CBARP: variants seen among roughly 807,000 people sequenced by gnomAD.
The protein encoded by CBARP is CACN subunit beta associated regulatory protein, also known as voltage-dependent calcium channel beta subunit-associated regulatory protein.
CBARP carries 24 observed loss-of-function variants against 36.3 expected under a neutral mutation model. That is an observed-to-expected ratio of 0.66 (90% CI 0.48 to 0.93). The LOEUF is 0.93. Among genes scored for constraint, CBARP ranks in the 40% least tolerant of loss-of-function variants. The probability of loss-of-function intolerance (pLI) is 0.00; values close to 1 mark genes in which losing one functional copy is unlikely to be tolerated. For missense variants in CBARP, 1,146 were observed against 980.4 expected (o/e 1.17, Z -2.26); for synonymous variants, 586 against 453.2 (o/e 1.29, Z -3.72).
intron 5 of CBARP, 103 bp downstream of exon 5, chr19:1,234,898 C>T: frequency 2.0e-6 from 3 of 1,508,406 alleles, no homozygotes; most frequent in Non-Finnish European, 2.7e-6. Flanking sequence ...GTCCAGGAGC[C>T]TCTGCCTTGG....
At position 1,235,782 on chromosome 19, in the gene CBARP, T is replaced by C. The variant is rs1237814483; in HGVS notation, c.242A>G (p.Asn81Ser). The C allele has an allele frequency of 1.2e-6, 2 of 1,607,410 alleles. No homozygotes were observed. The highest frequency in any genetic ancestry group is 2.2e-5 in the East Asian group (1 of 44,876). The change falls in exon 3 of 10, where the codon AAC (asparagine) becomes AGC (serine). Residue 81 changes from asparagine to serine, a missense_variant. Physicochemically the swap from Asn to Ser is conservative, Grantham distance 46. Transcript: ENST00000650044. ...AGCCGAGGTGGGGGCCTCGCACCTGTTGAGGCGCTGGTGGACGTCCCAGCA... is the reference window on the plus strand; with the variant it reads ...AGCCGAGGTGGGGGCCTCGCACCTGCTGAGGCGCTGGTGGACGTCCCAGCA... ...KRCWDVHQRL[N>S]RAMEEAEKTT...
intron 9 of CBARP, chr19:1,230,542 C>T (rs1046904163): frequency 9.4e-7 from 1 of 1,059,842 alleles, no homozygotes; most frequent in Non-Finnish European, 1.1e-6. Context: ...TCTGCCCACC[C>T]ATGCTGGATA....
chr19:1,237,212 G>GCAGGGTCCCGGCGGGGGCTGGTGTCCT (rs2080987440), intron 1 of CBARP, among the ~76,000 whole-genome samples: 1 of 152,248 alleles, frequency 6.6e-6, no homozygotes, highest in Non-Finnish European at 1.5e-5. Context: ...CCAAAGCCGG[G>GCAGGGTCCCGGCGGGGGCTGGTGTCCT]CAGGGTCCCG....
Position 1,229,834 on chromosome 19 carries a change from G to A in CBARP, c.1463C>T (p.Pro488Leu), listed in dbSNP as rs1181365255. 6.1e-6 allele frequency: 6 copies of A among 984,142 alleles called. No individual in the cohort carries two copies. Among genetic ancestry groups the A allele is most frequent in the Non-Finnish European group, 6.0e-6 (5 of 830,568 alleles). 61.0% of individuals were successfully genotyped at this position (984,142 alleles called of 1,614,324 possible). The change falls in exon 10 of 10, where the codon CCG becomes CTG. Residue 488 changes from proline to leucine, a missense_variant. Physicochemically the swap from Pro to Leu is moderately conservative, Grantham distance 98 (BLOSUM62 -3). Transcript: ENST00000650044. This position sits in a 1 kb window ranked among gnomAD's most constrained non-coding sequence, Gnocchi z 5.1. The part of the protein sequence containing the change: ...PAFPPPSPPA[P>L]RPKDGEARRL... ...GCGCGCCTCGCCGTCCTTGGGCCGCGGCGCGGGCGGGGAGGGCGGCGGGAA... is the reference window on the plus strand; with the variant it reads ...GCGCGCCTCGCCGTCCTTGGGCCGCAGCGCGGGCGGGGAGGGCGGCGGGAA...
chr19:1,230,469 AGC>A (rs2080875529), intron 9 of CBARP: 1 of 997,766 alleles, frequency 1.0e-6, no homozygotes. Context: ...TGGACGTGGG[AGC>A]CGCAGGGGAT....
intron 6 of CBARP, 35 bp from the exon 7 acceptor site, chr19:1,234,366 G>A (rs2080934457): frequency 8.3e-6 from 12 of 1,438,182 alleles, no homozygotes; most frequent in Non-Finnish European, 1.1e-5. Context: ...AGGAAGCAGT[G>A]ACAGGTCAAA....
In CBARP at chr19:1,234,736, T is replaced by C. The variant is rs1479180717; in HGVS notation, c.462A>G (p.Thr154=). ...RKTQDKGRRY[T]LTEGDFHHLK... ...GGTGGTGGAAGTCCCCCTCCGTCAG[T>C]GTGTACCTGCGACAGCATCTGGCCA... The change falls in exon 6 of 10, where the codon ACA becomes ACG. Residue 154 remains threonine (T), a synonymous_variant. Coordinates refer to ENST00000650044, the MANE Select transcript of CBARP (RefSeq NM_001393918.1). 5 of 1,612,380 alleles carry C rather than the reference T, an allele frequency of 3.1e-6. No individual in the cohort carries two copies. Among genetic ancestry groups the C allele is most frequent in the African/African-American group, 2.7e-5 (2 of 74,894 alleles).
At position 1,235,959 on chromosome 19, in the gene CBARP, C is replaced by T. The variant is rs199769460; in HGVS notation, c.105+37G>A. On this transcript the variant is annotated intron_variant, in intron 2 of 9. Transcript: ENST00000650044. ...GGGGGTCAGGTGCTGCTGGCCTGGACGACCTCCTGCCCCTCCCACCTGTCC... is the reference window on the plus strand; with the variant it reads ...GGGGGTCAGGTGCTGCTGGCCTGGATGACCTCCTGCCCCTCCCACCTGTCC... 2.1e-4 allele frequency: 334 copies of T among 1,588,188 alleles called. 1 individual carries two copies. The highest frequency in any genetic ancestry group is 1.2e-4 in the South Asian group (11 of 88,382).
At position 1,230,317 on chromosome 19, in the gene CBARP, C is replaced by T. The variant is rs1046979350; in HGVS notation, c.1155-175G>A. The stretch of plus-strand genomic sequence containing the variant: ...TGTGTTTTGCAGGGGATGCGTCTTG[C>T]ATTGACCCTGAGCTGTGGCGCCTGC... On this transcript the variant is annotated intron_variant, in intron 9 of 9. Transcript: ENST00000650044. 7 of 988,620 alleles carry T rather than the reference C, an allele frequency of 7.1e-6. No homozygotes were observed. The East Asian group carries it at 7.9e-4, about 112-fold the overall frequency. The allele number at this position is 988,620 out of a possible 1,614,324, so 61.2% of individuals were successfully genotyped here. A position where few individuals can be genotyped will look rare whatever the true frequency, so the allele number is the denominator to read the frequency against.
rs1440348367 is a variant in CBARP at position 1,233,582 on chromosome 19, G to A, written c.823C>T (p.Pro275Ser). 6.2e-7 allele frequency: 1 copy of A among 1,610,918 alleles called. No individual in the cohort carries two copies. Among genetic ancestry groups the A allele is most frequent in the Non-Finnish European group, 8.5e-7 (1 of 1,179,274 alleles). ...CCGGATCCCGGGCCCGCCTCCCCAG[G>A]CCCTGCTGCAGCCCCGGGCCCTCCA... The part of the protein sequence containing the change: ...KAGGPGAAAG[P>S]GEAGPGSGAG... The change falls in exon 8 of 10, where the codon CCT (proline) becomes TCT (serine). Residue 275 changes from proline (P) to serine (S), a missense_variant. Transcript: ENST00000650044.
chr19:1,231,197 TG>T lies in CBARP; in HGVS notation c.1057del (p.Gln353ArgfsTer34). The T allele has an allele frequency of 1.2e-6, 2 of 1,603,988 alleles. No individual in the cohort carries two copies. Among genetic ancestry groups the T allele is most frequent in the Admixed American group, 1.7e-5 (1 of 59,930 alleles). On this transcript the variant is annotated frameshift_variant, in exon 9 of 10. Coordinates refer to ENST00000650044, the MANE Select transcript of CBARP (RefSeq NM_001393918.1). LOFTEE classifies it high-confidence loss of function. Reference protein sequence around the residue: ...STEQEEGDAPQEDFIQYIARA... With the variant: ...STEQEEGDAPXEDFIQYIARA... ...GGCAATGTACTGGATGAAGTCCTCC[TG>T]GGGGGCATCCCCCTCCTCCTGCTCC...
chr19:1,233,698 C>T, intron 7 of CBARP, 62 bp from the exon 8 acceptor site: 3 of 1,482,562 alleles, frequency 2.0e-6, no homozygotes, highest in South Asian at 1.3e-5. Context: ...GTGCTGGCCC[C>T]AGGTGGCCGT....
chr19:1,232,795 C>T (rs117568100), intron 8 of CBARP, among the ~76,000 whole-genome samples: 4,934 of 152,352 alleles, frequency 0.032, 99 homozygotes, highest in Middle Eastern at 0.065. Flanking sequence ...TGCTTCCTCG[C>T]CTCAACAGCA....
intron 8 of CBARP, among the ~76,000 whole-genome samples, chr19:1,232,683 C>A (rs1392200583): frequency 1.3e-5 from 2 of 152,244 alleles, no homozygotes; most frequent in African/African-American, 2.4e-5. Context: ...GTCCAGGGAT[C>A]TATGTGCTAC....
In CBARP at chr19:1,233,594, C is replaced by T. The variant is rs1173595927; in HGVS notation, c.811G>A (p.Ala271Thr). 6.2e-7 allele frequency: 1 copy of T among 1,610,542 alleles called. No individual in the cohort carries two copies. Among genetic ancestry groups the T allele is most frequent in the Admixed American group, 1.7e-5 (1 of 59,860 alleles). Reference sequence around the variant, plus strand: ...CCCGCCTCCCCAGGCCCTGCTGCAGCCCCGGGCCCTCCAGCCTTGGTGCTC... The same window carrying T: ...CCCGCCTCCCCAGGCCCTGCTGCAGTCCCGGGCCCTCCAGCCTTGGTGCTC... The part of the protein sequence containing the change: ...TRSTKAGGPG[A>T]AAGPGEAGPG... The change falls in exon 8 of 10, where the codon GCT (alanine) becomes ACT (threonine). Residue 271 changes from alanine to threonine, a missense_variant. Coordinates refer to ENST00000650044, the MANE Select transcript of CBARP (RefSeq NM_001393918.1).
intron 8 of CBARP, 110 bp downstream of exon 8, chr19:1,233,316 C>G (rs2080918032): frequency 8.8e-7 from 1 of 1,140,094 alleles, no homozygotes; most frequent in Non-Finnish European, 1.2e-6. Flanking sequence ...CCCCAGAGCA[C>G]CGGCTCCCCA....
In CBARP at chr19:1,235,021, C is replaced by T. The variant is rs1313645918; in HGVS notation, c.435G>A (p.Lys145=). 2 of 1,609,578 alleles carry T rather than the reference C, an allele frequency of 1.2e-6. No individual in the cohort carries two copies. The highest frequency in any genetic ancestry group is 1.7e-4 in the Middle Eastern group (1 of 5,808). ...NEAALFEQSR[K]TQDKGRRYTL... ...CTTACCGGCGACCCTTGTCCTGCGT[C>T]TTGCGGCTCTGCTCAAACAGCGCCG... Residue 145 remains lysine (K), a synonymous_variant, in exon 5 of 10, where the codon AAG becomes AAA. Coordinates refer to ENST00000650044, the MANE Select transcript of CBARP (RefSeq NM_001393918.1).
At chr19:1,235,344 TG>T in intron 4 of CBARP, 156 bp downstream of exon 4, 1 of 1,075,602 alleles carries the variant, frequency 9.3e-7, no homozygotes, top group Non-Finnish European at 1.3e-6. Context: ...CACCTACGCC[TG>T]GGCGTTAAGG....
At chr19:1,233,167 C>G (rs1052626634) in intron 8 of CBARP, among the ~76,000 whole-genome samples, 2 of 152,224 alleles carry the variant, frequency 1.3e-5, no homozygotes, top group Non-Finnish European at 1.5e-5. Flanking sequence ...GGCCCGAGAG[C>G]AGTCGGGGCG....
Sources: allele counts gnomAD v4.1 joint callset (sites outside exome capture counted in the v4.1 genomes callset), GRCh38; gene constraint gnomAD v4.1.1; non-coding constraint Gnocchi (gnomAD v3.1); transcripts MANE v1.5; gene names NCBI Gene and HGNC (gene_info 2026-07-23, HGNC 2026-07-21).